AMPH: variants seen among roughly 807,000 people sequenced by gnomAD.
AMPH encodes the protein amphiphysin (Stiff-Mann syndrome with breast cancer 128kD autoantigen).
AMPH carries 49 observed loss-of-function variants against 99.1 expected under a neutral mutation model. That is an observed-to-expected ratio of 0.49 (90% CI 0.39 to 0.63). The LOEUF (loss-of-function observed/expected upper bound fraction) is 0.63. Among genes scored for constraint, AMPH ranks in the 20% least tolerant of loss-of-function variants. The pLI is 0.00. For synonymous variants in AMPH, 314 were observed against 317.3 expected, an observed-to-expected ratio of 0.99 and a Z score of 0.11; for missense variants, 759 against 863.4, an observed-to-expected ratio of 0.88 and a Z score of 1.52.
intron 7 of AMPH, among the ~76,000 whole-genome samples, chr7:38,466,838 C>T (rs1229468951): frequency 6.6e-6 from 1 of 152,142 alleles, no homozygotes; most frequent in African/African-American, 2.4e-5. Flanking sequence ...CGTGTCATCA[C>T]TGAGTAAATG....
At chr7:38,437,097 C>T (rs961575903) in intron 11 of AMPH, among the ~76,000 whole-genome samples, 1 of 152,038 alleles carries the variant, frequency 6.6e-6, no homozygotes, top group Admixed American at 6.6e-5. Flanking sequence ...AGACACAGGA[C>T]GAAAGTCCTG....
At chr7:38,567,313 C>G (rs10225628) in intron 1 of AMPH, among the ~76,000 whole-genome samples, 1 of 152,154 alleles carries the variant, frequency 6.6e-6, no homozygotes, top group African/African-American at 2.4e-5. Flanking sequence ...ACCGCATGTT[C>G]TCACCCATAG....
chr7:38,408,159 C>T (rs182771367), intron 17 of AMPH, among the ~76,000 whole-genome samples: 21 of 152,268 alleles, frequency 1.4e-4, no homozygotes, highest in Admixed American at 1.2e-3. Context: ...CATCCCATAA[C>T]CAAGAAGACC....
At chr7:38,403,747 G>A (rs1784906521) in intron 17 of AMPH, among the ~76,000 whole-genome samples, 2 of 152,224 alleles carry the variant, frequency 1.3e-5, no homozygotes, top group Admixed American at 1.3e-4. Flanking sequence ...GAAAGGGGTA[G>A]CACCAGTGGC....
chr7:38,515,132 A>T (rs1359191995), intron 2 of AMPH, among the ~76,000 whole-genome samples: 1 of 152,236 alleles, frequency 6.6e-6, no homozygotes, highest in African/African-American at 2.4e-5. Context: ...GGAACAAGGC[A>T]TTGGAACCTG....
At chr7:38,503,285 C>A (rs996068117) in intron 3 of AMPH, among the ~76,000 whole-genome samples, 1 of 152,130 alleles carries the variant, frequency 6.6e-6, no homozygotes, top group Admixed American at 6.5e-5. Context: ...GGCTTAGGTG[C>A]GTGTCTGTGA....
At chr7:38,452,639 T>C (rs1787079854) in intron 11 of AMPH, among the ~76,000 whole-genome samples, 1 of 152,228 alleles carries the variant, frequency 6.6e-6, no homozygotes, top group Non-Finnish European at 1.5e-5. Flanking sequence ...TAGCACACAC[T>C]TGACTCAGCT....
In AMPH at chr7:38,443,094, G is replaced by A. The variant is rs115750403; in HGVS notation, c.1018-6706C>T. On this transcript the variant is annotated intron_variant, in intron 11 of 20. Transcript: ENST00000356264. ...ATAATAGTAAATATGATGAACCACTGTACTCCAAATACATTTGGCAATTTA... is the reference window on the plus strand; with the variant it reads ...ATAATAGTAAATATGATGAACCACTATACTCCAAATACATTTGGCAATTTA... Among the ~76,000 whole-genome samples the A allele has an allele frequency of 6.5e-3, 982 of 152,068 alleles. 15 individuals are homozygous for A. Among genetic ancestry groups the A allele is most frequent in the African/African-American group, 0.023 (950 of 41,484 alleles).
chr7:38,601,648 G>A (rs929848280), intron 1 of AMPH, among the ~76,000 whole-genome samples: 12 of 152,046 alleles, frequency 7.9e-5, no homozygotes, highest in Admixed American at 5.2e-4. Context: ...TAACATAGTC[G>A]TATTTTTCAG....
chr7:38,424,321 T>C (rs1785704283), intron 15 of AMPH, among the ~76,000 whole-genome samples: 1 of 152,034 alleles, frequency 6.6e-6, no homozygotes, highest in Admixed American at 6.6e-5. Flanking sequence ...AAAAGAGAGA[T>C]GGAATAGAAA....
chr7:38,500,047 T>A (rs1223039208), intron 3 of AMPH, among the ~76,000 whole-genome samples: 1 of 152,218 alleles, frequency 6.6e-6, no homozygotes, highest in Non-Finnish European at 1.5e-5. Flanking sequence ...GGGGCATGAC[T>A]TTATTAGCAG....
chr7:38,422,512 T>A, intron 15 of AMPH, 35 bp from the exon 16 acceptor site: 3 of 1,524,366 alleles, frequency 2.0e-6, no homozygotes, highest in Non-Finnish European at 2.7e-6. Flanking sequence ...AGATGTTTTT[T>A]AAAGATATTT....
At chr7:38,535,342 T>C (rs1222694227) in intron 1 of AMPH, among the ~76,000 whole-genome samples, 1 of 152,198 alleles carries the variant, frequency 6.6e-6, no homozygotes, top group African/African-American at 2.4e-5. Context: ...TGTCTTTTTG[T>C]CCAAAGCATC....
intron 5 of AMPH, among the ~76,000 whole-genome samples, chr7:38,477,675 G>A (rs76716822): frequency 0.011 from 1,609 of 152,074 alleles, 35 homozygotes; most frequent in African/African-American, 0.037. Context: ...TCATTTCTAT[G>A]GAACATTTCC....
Position 38,594,933 on chromosome 7 carries a change from AAAC to A in AMPH, c.69+36347_69+36349del, listed in dbSNP as rs148505300. ...AGGCAGAGATTAGATGGAAGTAAAAAAACAAGGGGGGGAAAGAATTTTAAGACG... is the reference window on the plus strand; with the variant it reads ...AGGCAGAGATTAGATGGAAGTAAAAAAAGGGGGGGAAAGAATTTTAAGACG... On this transcript the variant is annotated intron_variant, in intron 1 of 20. Transcript: ENST00000356264. Among the ~76,000 whole-genome samples, 874 of 152,342 alleles carry A rather than the reference AAAC, an allele frequency of 5.7e-3. 8 individuals are homozygous for A. Among genetic ancestry groups the A allele is most frequent in the South Asian group, 0.034 (163 of 4,824 alleles).
chr7:38,454,600 T>G (rs1412386336), intron 11 of AMPH, among the ~76,000 whole-genome samples: 1 of 152,010 alleles, frequency 6.6e-6, no homozygotes, highest in East Asian at 1.9e-4. Flanking sequence ...GTGGGATATG[T>G]GAACCCAGGT....
At chr7:38,478,863 A>G (rs1235040053) in intron 5 of AMPH, among the ~76,000 whole-genome samples, 1 of 152,152 alleles carries the variant, frequency 6.6e-6, no homozygotes, top group African/African-American at 2.4e-5. Flanking sequence ...AAACTCGAAA[A>G]AGCTGAGGAA....
intron 1 of AMPH, among the ~76,000 whole-genome samples, chr7:38,605,865 C>T (rs773697562): frequency 2.6e-5 from 4 of 152,178 alleles, no homozygotes; most frequent in Non-Finnish European, 4.4e-5. Flanking sequence ...CGTGAGCCAC[C>T]GCACCTGGCC....
rs373370582 is a variant in AMPH, at chr7:38,482,556, T to A, written c.397-5587A>T. ...TCTGTATGTGCTTGTATTCTGAAAT[T>A]ACATGCTCCTAGACAGTGTGGCCAA... On this transcript the variant is annotated intron_variant, in intron 5 of 20. Transcript: ENST00000356264. 2.0e-5 allele frequency among the ~76,000 whole-genome samples: 3 copies of A among 152,172 alleles called. No individual in the cohort carries two copies. The East Asian group carries it at 5.8e-4, about 29-fold the overall frequency.
Sources: gnomAD v4.1 joint callset for allele counts (sites outside exome capture counted in the v4.1 genomes callset) on GRCh38, gnomAD v4.1.1 for gene constraint, MANE v1.5 for transcripts, NCBI Gene and HGNC (gene_info 2026-07-23, HGNC 2026-07-21) for gene names.